The following TLR2 variants were observed in gnomAD, a reference collection of about 807,000 sequenced individuals.
TLR2 encodes the protein toll like receptor 2.
Under a neutral mutation model 9.1 loss-of-function variants are expected in TLR2, and 7 were observed. The ratio of observed to expected loss-of-function variants is 0.77; its 90% confidence interval spans 0.44 to 1.44. TLR2 has a LOEUF of 1.44. Among genes scored for constraint, TLR2 ranks in the 40% most tolerant of loss-of-function variants. The pLI is 0.01. For missense variants in TLR2, 812 were observed against 904.6 expected, an observed-to-expected ratio of 0.90 and a Z score of 1.31; for synonymous variants, 317 against 344.6, an observed-to-expected ratio of 0.92 and a Z score of 0.89.
chr4:153,699,434 A>G (rs1262507731), intron 2 of TLR2, among the ~76,000 whole-genome samples: 2 of 152,204 alleles, frequency 1.3e-5, no homozygotes, highest in African/African-American at 2.4e-5. Flanking sequence ...TTTTGTTCAA[A>G]TGCTCCTTCC....
At chr4:153,701,800 G>C (rs1474383339) in intron 2 of TLR2, 1 of 151,342 alleles carries the variant, frequency 6.6e-6, no homozygotes, top group East Asian at 1.9e-4. Context: ...GCGAAGCAGT[G>C]GTTTTGGTGC....
chr4:153,708,272 A>C (rs1451923421), downstream of TLR2, among the ~76,000 whole-genome samples: 2 of 152,220 alleles, frequency 1.3e-5, no homozygotes, highest in East Asian at 3.8e-4. Context: ...TACATAAAAG[A>C]TAAGTGGGAA....
chr4:153,692,153 C>T (rs1736167288), intron 2 of TLR2, among the ~76,000 whole-genome samples: 1 of 152,118 alleles, frequency 6.6e-6, no homozygotes, highest in Non-Finnish European at 1.5e-5. Context: ...GCAAACAGTT[C>T]ACAGCCTTGC....
In TLR2 at chr4:153,702,904, G is replaced by A. The variant is rs1420893872; in HGVS notation, c.-4G>A. 1 of 1,602,374 alleles carries A rather than the reference G, an allele frequency of 6.2e-7. No homozygotes were observed. Among genetic ancestry groups the A allele is most frequent in the East Asian group, 2.2e-5 (1 of 44,686 alleles). ...CTTTTATTTGTAGGTTGAAGCACTG[G>A]ACAATGCCACATACTTTGTGGATGG... On this transcript the variant is annotated 5_prime_UTR_variant, in exon 3 of 3. Transcript: ENST00000642700.
chr4:153,696,084 G>A (rs1182114547), intron 2 of TLR2, among the ~76,000 whole-genome samples: 1 of 152,082 alleles, frequency 6.6e-6, no homozygotes, highest in Non-Finnish European at 1.5e-5. Context: ...TAGCTCTGTA[G>A]TATAATTTTA....
At chr4:153,686,633 T>A (rs1735726152) in intron 1 of TLR2, among the ~76,000 whole-genome samples, 1 of 152,052 alleles carries the variant, frequency 6.6e-6, no homozygotes, top group African/African-American at 2.4e-5. Flanking sequence ...AAGTTAAAGG[T>A]TTCACTGAGA....
At chr4:153,699,855 T>C (rs1215850306) in intron 2 of TLR2, among the ~76,000 whole-genome samples, 1 of 152,196 alleles carries the variant, frequency 6.6e-6, no homozygotes, top group Non-Finnish European at 1.5e-5. Context: ...TATACAAAAT[T>C]TAATTGAATT....
chr4:153,689,991 G>A (rs1464312034), intron 2 of TLR2, among the ~76,000 whole-genome samples: 2 of 152,212 alleles, frequency 1.3e-5, no homozygotes, highest in Admixed American at 1.3e-4. Flanking sequence ...TCTCTTCCTT[G>A]GCATCTGGCT....
chr4:153,704,605 T>TC lies in TLR2; in HGVS notation c.1700dup (p.Ser568IlefsTer75). The TC allele has an allele frequency of 6.2e-7, 1 of 1,613,290 alleles. No individual in the cohort carries two copies. Among genetic ancestry groups the TC allele is most frequent in the Non-Finnish European group, 8.5e-7 (1 of 1,179,948 alleles). ...GGCCAGCAAATTACCTGTGTGACTC[T>TC]CCATCCCATGTGCGTGGCCAGCAGG... On this transcript the variant is annotated frameshift_variant, in exon 3 of 3. Coordinates refer to ENST00000642700, the MANE Select transcript of TLR2 (RefSeq NM_001318789.2). LOFTEE classifies it low-confidence loss of function (END_TRUNC).
At chr4:153,694,149 G>C (rs1466709479) in intron 2 of TLR2, among the ~76,000 whole-genome samples, 1 of 152,224 alleles carries the variant, frequency 6.6e-6, no homozygotes, top group Non-Finnish European at 1.5e-5. Context: ...GAAACAAAGG[G>C]ATGGGCCAAA....
At chr4:153,698,270 G>T (rs1015272221) in intron 2 of TLR2, among the ~76,000 whole-genome samples, 1 of 152,128 alleles carries the variant, frequency 6.6e-6, no homozygotes. Context: ...AGAATTAATT[G>T]AATACCAGGG....
In TLR2 at chr4:153,688,559, T is replaced by G. The variant is rs1316065148; in HGVS notation, c.-17+512T>G. On this transcript the variant is annotated intron_variant, in intron 2 of 2. Transcript: ENST00000642700. ...AGTGATAAGCATTATCGCTATAGAT[T>G]ATAGATTAACTAAAAGTATTCCTTA... 4 of 152,572 alleles carry G rather than the reference T, an allele frequency of 2.6e-5. No individual in the cohort carries two copies. The South Asian group carries it at 6.2e-4, about 24-fold the overall frequency. 9.5% of individuals were successfully genotyped at this position (152,572 alleles called of 1,614,324 possible). A position where few individuals can be genotyped will look rare whatever the true frequency, so the allele number is the denominator to read the frequency against.
chr4:153,694,811 T>G (rs1413682708), intron 2 of TLR2, among the ~76,000 whole-genome samples: 1 of 151,690 alleles, frequency 6.6e-6, no homozygotes, highest in African/African-American at 2.4e-5. Context: ...ACCATCCCAG[T>G]CCCCCTGCTC....
intron 2 of TLR2, among the ~76,000 whole-genome samples, chr4:153,697,008 A>G (rs958315921): frequency 6.6e-6 from 1 of 152,190 alleles, no homozygotes; most frequent in Non-Finnish European, 1.5e-5. Flanking sequence ...TTAAGGAAAA[A>G]ATAAAATAAT....
chr4:153,685,816 A>G (rs1286711119), intron 1 of TLR2, among the ~76,000 whole-genome samples: 1 of 152,256 alleles, frequency 6.6e-6, no homozygotes, highest in East Asian at 1.9e-4. Flanking sequence ...ACAATAGAAC[A>G]TAAAACAAAT....
At chr4:153,709,536 C>CT (rs1737435406), downstream of TLR2, among the ~76,000 whole-genome samples, 1 of 152,158 alleles carries the variant, frequency 6.6e-6, no homozygotes, top group African/African-American at 2.4e-5. Context: ...TTGAGTGCCT[C>CT]TTATGTGCTA....
intron 2 of TLR2, chr4:153,702,467 AAAG>A (rs1389734122): frequency 6.4e-6 from 1 of 155,970 alleles, no homozygotes; most frequent in African/African-American, 2.4e-5. Context: ...GAAGCGGAGA[AAAG>A]AAATGCTTAA....
Position 153,684,777 on chromosome 4 carries a change from C to T in TLR2, c.-163+417C>T, listed in dbSNP as rs571107586. ...CCGCGGAGAGCTTCCGCTGGGGCTC[C>T]GGGCCTCTGGCCGCCACCTCCCTCG... is the stretch of plus-strand genomic sequence containing the variant. On this transcript the variant is annotated intron_variant, in intron 1 of 2. Transcript: ENST00000642700. 1.4e-4 allele frequency among the ~76,000 whole-genome samples: 22 copies of T among 152,274 alleles called. No individual in the cohort carries two copies. The South Asian group carries it at 2.7e-3, about 19-fold the overall frequency.
Position 153,704,826 on chromosome 4 carries a change from G to T in TLR2, c.1919G>T (p.Cys640Phe). 6.2e-7 allele frequency: 1 copy of T among 1,614,066 alleles called. No homozygotes were observed. The highest frequency in any genetic ancestry group is 8.5e-7 in the Non-Finnish European group (1 of 1,180,006). ...AGGAAAGCTCCCAGCAGGAACATCT[G>T]CTATGATGCATTTGTTTCTTACAGT... Reference protein sequence around the residue: ...KPRKAPSRNICYDAFVSYSER... With the variant: ...KPRKAPSRNIFYDAFVSYSER... The change falls in exon 3 of 3, where the codon TGC (cysteine) becomes TTC (phenylalanine). Residue 640 changes from cysteine (C) to phenylalanine (F), a missense_variant. Cys to Phe is a radical substitution (Grantham distance 205, BLOSUM62 -2). Transcript: ENST00000642700.
Sources: gnomAD v4.1 joint callset for allele counts (sites outside exome capture counted in the v4.1 genomes callset) on GRCh38, gnomAD v4.1.1 for gene constraint, MANE v1.5 for transcripts, NCBI Gene and HGNC (gene_info 2026-07-23, HGNC 2026-07-21) for gene names.